The following MSRA variants were observed in gnomAD, a reference collection of about 807,000 sequenced individuals.
The protein encoded by MSRA is methionine sulfoxide reductase A.
MSRA carries 54 observed loss-of-function variants against 31.3 expected under a neutral mutation model. That is an observed-to-expected ratio of 1.73 (90% CI 1.39 to 2.17). The LOEUF (loss-of-function observed/expected upper bound fraction) is 2.17. MSRA is among the 30% of genes most tolerant of loss of function. The pLI is 0.00. For missense variants in MSRA, 507 were observed against 300.9 expected (o/e 1.69, Z -5.07); for synonymous variants, 169 against 116.5 (o/e 1.45, Z -2.90).
chr8:10,304,217 G>T (rs948209157), intron 4 of MSRA, among the ~76,000 whole-genome samples: 5 of 152,210 alleles, frequency 3.3e-5, no homozygotes, highest in African/African-American at 9.7e-5. Flanking sequence ...GATTGCAGGC[G>T]TGAGCCACTG....
chr8:10,264,141 C>G (rs902282928), intron 3 of MSRA, among the ~76,000 whole-genome samples: 1 of 152,148 alleles, frequency 6.6e-6, no homozygotes, highest in Non-Finnish European at 1.5e-5. Flanking sequence ...TGACTAGAGA[C>G]CTGTTCTTGT....
intron 1 of MSRA, among the ~76,000 whole-genome samples, chr8:10,194,701 A>G (rs77475175): frequency 0.026 from 3,928 of 152,290 alleles, 170 homozygotes; most frequent in African/African-American, 0.088. Flanking sequence ...TTTTTCTACC[A>G]TATGATACAA....
chr8:10,261,533 C>T (rs1287619643), intron 3 of MSRA, among the ~76,000 whole-genome samples: 1 of 152,006 alleles, frequency 6.6e-6, no homozygotes, highest in African/African-American at 2.4e-5. Context: ...TTCGTTTCTA[C>T]AAAACCTTTT....
intron 1 of MSRA, chr8:10,095,555 TGAGA>T: frequency 1.0e-6 from 1 of 983,520 alleles, no homozygotes; most frequent in Non-Finnish European, 1.2e-6. Flanking sequence ...AGCAAAAGAG[TGAGA>T]GAGAGAAAGA....
intron 3 of MSRA, among the ~76,000 whole-genome samples, chr8:10,247,860 G>C (rs1563266154): frequency 6.6e-6 from 1 of 152,204 alleles, no homozygotes; most frequent in African/African-American, 2.4e-5. Context: ...TGGCACAGAA[G>C]TGGTACAGCC....
chr8:10,173,772 A>G (rs966357955), intron 1 of MSRA, among the ~76,000 whole-genome samples: 1 of 152,196 alleles, frequency 6.6e-6, no homozygotes, highest in African/African-American at 2.4e-5. Flanking sequence ...TTTCTCCTGC[A>G]GTCATCTGTG....
intron 1 of MSRA, among the ~76,000 whole-genome samples, chr8:10,190,447 G>A (rs1286616511): frequency 6.6e-6 from 1 of 152,186 alleles, no homozygotes; most frequent in East Asian, 1.9e-4. Flanking sequence ...GCTAGTTCCT[G>A]ACAATCTGCA....
intron 5 of MSRA, among the ~76,000 whole-genome samples, chr8:10,419,256 A>G (rs1015054595): frequency 1.3e-5 from 2 of 152,134 alleles, no homozygotes; most frequent in Non-Finnish European, 2.9e-5. Context: ...TCCTTATCCC[A>G]CAGCCCCAAA....
At chr8:10,382,006 T>G (rs1179546792) in intron 5 of MSRA, among the ~76,000 whole-genome samples, 1 of 152,216 alleles carries the variant, frequency 6.6e-6, no homozygotes, top group East Asian at 1.9e-4. Flanking sequence ...AGAATAGTAA[T>G]GCTAAGCCAT....
At chr8:10,335,004 G>A (rs1240622823) in intron 5 of MSRA, among the ~76,000 whole-genome samples, 1 of 143,944 alleles carries the variant, frequency 6.9e-6, no homozygotes, top group Non-Finnish European at 1.6e-5. Context: ...AAAGGCTCTC[G>A]TGTCCTTAGG....
chr8:10,103,790 T>C (rs1463958040), intron 1 of MSRA, among the ~76,000 whole-genome samples: 2 of 151,874 alleles, frequency 1.3e-5, no homozygotes, highest in Admixed American at 1.3e-4. Context: ...GTAGAATGAA[T>C]ACCCATATAC....
rs993460598 is a variant in MSRA at position 10,151,615 on chromosome 8, A to G, written c.143-56218A>G. Among the ~76,000 whole-genome samples, 4 of 152,336 alleles carry G rather than the reference A, an allele frequency of 2.6e-5. No individual in the cohort carries two copies. In the South Asian group the frequency reaches 8.3e-4, roughly 32 times the overall value. ...CAGTGAGCCCAGATCGCGCCACTGC[A>G]CTCCAGCCTGGGCGACAGAGTGAGA... On this transcript the variant is annotated intron_variant, in intron 1 of 5. Coordinates refer to ENST00000317173, the MANE Select transcript of MSRA (RefSeq NM_012331.5).
Position 10,078,169 on chromosome 8 carries a change from G to A in MSRA, c.142+23511G>A, listed in dbSNP as rs185381271. 2.9e-3 allele frequency among the ~76,000 whole-genome samples: 443 copies of A among 152,288 alleles called. 1 individual carries two copies. The highest frequency in any genetic ancestry group is 5.0e-3 in the Non-Finnish European group (340 of 68,024). On this transcript the variant is annotated intron_variant, in intron 1 of 5. Transcript: ENST00000317173. ...AGGTGTTTTGGATGGGGAGAGGTGA[G>A]CACTATAAAGATGTCTCTGCAGTTC...
intron 4 of MSRA, among the ~76,000 whole-genome samples, chr8:10,311,238 T>G (rs1227240490): frequency 1.3e-5 from 2 of 152,198 alleles, no homozygotes; most frequent in Admixed American, 6.5e-5. Context: ...CAACTATATA[T>G]ATAAAGCATC....
At chr8:10,283,102 G>A (rs558194594) in intron 3 of MSRA, among the ~76,000 whole-genome samples, 1 of 147,132 alleles carries the variant, frequency 6.8e-6, no homozygotes, top group East Asian at 2.0e-4. Context: ...GATAGGTGCA[G>A]ACACATCATA....
chr8:10,147,175 G>A (rs999142833), intron 1 of MSRA, among the ~76,000 whole-genome samples: 1 of 152,194 alleles, frequency 6.6e-6, no homozygotes, highest in African/African-American at 2.4e-5. Context: ...GGTCTGACGG[G>A]TCCTCAGGTT....
chr8:10,237,154 G>A (rs1383913086), intron 2 of MSRA, among the ~76,000 whole-genome samples: 4 of 152,208 alleles, frequency 2.6e-5, no homozygotes, highest in African/African-American at 7.2e-5. Flanking sequence ...TCATAACTAG[G>A]TTGAGTTTTT....
At chr8:10,280,289 A>C (rs560864164) in intron 3 of MSRA, among the ~76,000 whole-genome samples, 2 of 152,034 alleles carry the variant, frequency 1.3e-5, no homozygotes, top group African/African-American at 4.8e-5. Context: ...TCCATCCTTC[A>C]AATACCTTCG....
At chr8:10,315,801 TTGGG>T (rs1801677866) in intron 4 of MSRA, among the ~76,000 whole-genome samples, 1 of 152,228 alleles carries the variant, frequency 6.6e-6, no homozygotes, top group Middle Eastern at 3.2e-3. Flanking sequence ...TTGGCCAAAC[TTGGG>T]ATTTTAGAAC....
Sources: allele counts gnomAD v4.1 joint callset (sites outside exome capture counted in the v4.1 genomes callset), GRCh38; gene constraint gnomAD v4.1.1; transcripts MANE v1.5; gene names NCBI Gene and HGNC (gene_info 2026-07-23, HGNC 2026-07-21).